The following ETFB variants were observed in gnomAD, a reference collection of about 807,000 sequenced individuals.
The protein encoded by ETFB is electron transfer flavoprotein subunit beta.
A neutral mutation model predicts 25.6 loss-of-function variants in ETFB; 20 were observed. The ratio of observed to expected loss-of-function variants is 0.78; its 90% confidence interval spans 0.55 to 1.14. The LOEUF is 1.14. Among genes scored for constraint, ETFB ranks in the 50% most tolerant of loss-of-function variants. The probability of loss-of-function intolerance (pLI) is 0.00; values close to 1 mark genes in which losing one functional copy is unlikely to be tolerated. For synonymous variants in ETFB, 142 were observed against 146.7 expected (o/e 0.97, Z 0.23); for missense variants, 286 against 342.6 (o/e 0.83, Z 1.30).
chr19:51,354,782 G>T, intron 1 of ETFB: 1 of 904,756 alleles, frequency 1.1e-6, no homozygotes, highest in Non-Finnish European at 1.7e-6. Context: ...ACAGCTACAG[G>T]CAACAATAGA....
intron 1 of ETFB, chr19:51,355,646 T>C (rs1438256712): frequency 1.3e-5 from 2 of 152,138 alleles, no homozygotes; most frequent in African/African-American, 2.4e-5. Context: ...TGCACACATA[T>C]GTTTATTGCG....
At chr19:51,345,164 A>G (rs774586423), downstream of ETFB, 5 of 1,585,444 alleles carry the variant, frequency 3.2e-6, no homozygotes, top group African/African-American at 5.4e-5. Context: ...ATAAGTTAAC[A>G]GAGATAGATG....
chr19:51,355,841 G>C (rs1482793751), intron 1 of ETFB: 1 of 148,782 alleles, frequency 6.7e-6, no homozygotes, highest in African/African-American at 2.5e-5. Flanking sequence ...CTATCGCAAG[G>C]ACAGAAAACC....
At position 51,363,033 on chromosome 19, in the gene ETFB, A is replaced by G. The variant is rs1197752856; in HGVS notation, c.57+3237T>C. ...TCCACTCAGTTAGGTTGGCTCCTTG[A>G]ACTTTCATCTCTAGCAAACATACTT... is the stretch of plus-strand genomic sequence containing the variant. On this transcript the variant is annotated intron_variant, in intron 1 of 5. Coordinates refer to ENST00000309244, the MANE Select transcript of ETFB (RefSeq NM_001985.3). Among the ~76,000 whole-genome samples, 3 of 152,142 alleles carry G rather than the reference A, an allele frequency of 2.0e-5. No homozygotes were observed. The East Asian group carries it at 5.8e-4, about 29-fold the overall frequency.
chr19:51,350,664 C>A (rs1985914036), intron 3 of ETFB, among the ~76,000 whole-genome samples: 1 of 151,890 alleles, frequency 6.6e-6, no homozygotes, highest in African/African-American at 2.4e-5. Flanking sequence ...TTTGTATTTT[C>A]AGTAGAGACA....
At chr19:51,359,887 G>A (rs968404592) in intron 1 of ETFB, among the ~76,000 whole-genome samples, 6 of 151,860 alleles carry the variant, frequency 4.0e-5, no homozygotes, top group East Asian at 3.9e-4. Context: ...TCATGGTGGC[G>A]TGCACCTGTA....
chr19:51,358,448 C>G (rs887055137), intron 1 of ETFB, among the ~76,000 whole-genome samples: 2 of 152,146 alleles, frequency 1.3e-5, no homozygotes, highest in Admixed American at 1.3e-4. Context: ...GGGAGGATCA[C>G]TTGTGCCCAG....
At chr19:51,361,209 G>C (rs1227681401) in intron 1 of ETFB, among the ~76,000 whole-genome samples, 1 of 152,188 alleles carries the variant, frequency 6.6e-6, no homozygotes, top group African/African-American at 2.4e-5. Context: ...GGAATTACAG[G>C]TGTGAGCCAC....
In ETFB at chr19:51,347,148, T is replaced by A. The variant is rs8112687; in HGVS notation, c.439-90A>T. The A allele has an allele frequency of 3.2e-4, 425 of 1,309,664 alleles. 3 individuals are homozygous for A. The African/African-American group carries it at 5.5e-3, about 17-fold the overall frequency. 81.1% of individuals were successfully genotyped at this position (1,309,664 alleles called of 1,614,324 possible). The stretch of plus-strand genomic sequence containing the variant: ...CTTATGCCACTACTGAGTACACGCA[T>A]GGACTAGTGAATGAATGAGGGAGCG... On this transcript the variant is annotated intron_variant, in intron 4 of 5. Coordinates refer to ENST00000309244, the MANE Select transcript of ETFB (RefSeq NM_001985.3).
At chr19:51,350,065 A>G in intron 4 of ETFB, 4 of 443,762 alleles carry the variant, frequency 9.0e-6, no homozygotes, top group South Asian at 2.1e-5. Flanking sequence ...CTGCATTTCT[A>G]TTGGACTGGC....
rs1040616394 is a variant in ETFB at position 51,345,444 on chromosome 19, C to T, written c.598-63G>A. Reference sequence around the variant, plus strand: ...CTCCTGCCACCCTTCCTGCCACCTCCTTCCCATGGGTGCCAGGCCTGCAGA... The same window carrying T: ...CTCCTGCCACCCTTCCTGCCACCTCTTTCCCATGGGTGCCAGGCCTGCAGA... On this transcript the variant is annotated intron_variant, in intron 5 of 5. Transcript: ENST00000309244. 65 of 1,542,660 alleles carry T rather than the reference C, an allele frequency of 4.2e-5. No individual in the cohort carries two copies. The East Asian group carries it at 1.5e-3, about 35-fold the overall frequency.
chr19:51,365,786 G>A (rs1284992798), intron 1 of ETFB, among the ~76,000 whole-genome samples: 1 of 152,216 alleles, frequency 6.6e-6, no homozygotes, highest in Non-Finnish European at 1.5e-5. Context: ...ATGGAGGGTG[G>A]AAAGCAGCTT....
intron 2 of ETFB, among the ~76,000 whole-genome samples, chr19:51,353,809 T>C (rs146690951): frequency 0.037 from 185 of 4,998 alleles, 11 homozygotes; most frequent in Non-Finnish European, 0.06. Context: ...AGCCCCTCCT[T>C]CCTCAGACCC....
At chr19:51,366,100 G>T (rs1417041209) in intron 1 of ETFB, among the ~76,000 whole-genome samples, 170 bp downstream of exon 1, 1 of 152,228 alleles carries the variant, frequency 6.6e-6, no homozygotes, top group Non-Finnish European at 1.5e-5. Context: ...CGGAGGGATC[G>T]GATGTTAGAA....
chr19:51,350,304 C>T (rs200448956), intron 4 of ETFB, 25 bp downstream of exon 4: 7 of 1,604,620 alleles, frequency 4.4e-6, no homozygotes, highest in Admixed American at 1.7e-5. Flanking sequence ...TGGCCCTCAG[C>T]AGGTGCTCCC....
intron 5 of ETFB, 111 bp from the exon 6 acceptor site, chr19:51,345,492 C>T: frequency 1.9e-6 from 2 of 1,078,046 alleles, no homozygotes; most frequent in Non-Finnish European, 2.8e-6. Context: ...GCTGAACCCT[C>T]TGGACCCACC....
intron 3 of ETFB, among the ~76,000 whole-genome samples, 153 bp downstream of exon 3, chr19:51,352,979 C>T (rs1423613432): frequency 6.6e-6 from 1 of 152,198 alleles, no homozygotes; most frequent in Non-Finnish European, 1.5e-5. Context: ...TGCTCAAACT[C>T]TCTGTCAGAA....
intron 1 of ETFB, among the ~76,000 whole-genome samples, chr19:51,364,965 G>A (rs1986317997): frequency 6.6e-6 from 1 of 152,132 alleles, no homozygotes; most frequent in African/African-American, 2.4e-5. Flanking sequence ...GAGGCAGGCG[G>A]GTGGATCACC....
At chr19:51,360,685 G>A (rs758580941) in intron 1 of ETFB, among the ~76,000 whole-genome samples, 11 of 152,194 alleles carry the variant, frequency 7.2e-5, no homozygotes, top group East Asian at 1.9e-4. Flanking sequence ...GTGTGCCCAC[G>A]GTGTTAGGAG....
Sources: gnomAD v4.1 joint callset for allele counts (sites outside exome capture counted in the v4.1 genomes callset) on GRCh38, gnomAD v4.1.1 for gene constraint, MANE v1.5 for transcripts, NCBI Gene and HGNC (gene_info 2026-07-23, HGNC 2026-07-21) for gene names.